Variants in ST8SIA5 observed in about 807,000 individuals in gnomAD.
ST8SIA5 encodes the protein ST8 alpha-N-acetyl-neuraminide alpha-2,8-sialyltransferase 5.
A neutral mutation model predicts 40.2 loss-of-function variants in ST8SIA5; 24 were observed. That is an observed-to-expected ratio of 0.60 (90% CI 0.43 to 0.84). ST8SIA5 has a LOEUF of 0.84. Ranked by LOEUF, ST8SIA5 falls within the 40% of genes least tolerant of loss-of-function variation. ST8SIA5 has a pLI of 0.00. For synonymous variants in ST8SIA5, 198 were observed against 201.8 expected (o/e 0.98, Z 0.16); for missense variants, 465 against 498.5 (o/e 0.93, Z 0.64).
rs537091508 is a variant in ST8SIA5 at position 46,727,076 on chromosome 18, T to C, written c.132-22412A>G. 2.6e-5 allele frequency among the ~76,000 whole-genome samples: 4 copies of C among 152,312 alleles called. No individual in the cohort carries two copies. In the South Asian group the frequency reaches 8.3e-4, roughly 32 times the overall value. ...GTTAAGCTAGAATTGAACACAGCCC[T>C]GAACCTAAGGAAACAGAACATATAA... On this transcript the variant is annotated intron_variant, in intron 1 of 6. Coordinates refer to ENST00000315087, the MANE Select transcript of ST8SIA5 (RefSeq NM_013305.6).
At chr18:46,729,051 A>G (rs1408231159) in intron 1 of ST8SIA5, among the ~76,000 whole-genome samples, 2 of 152,090 alleles carry the variant, frequency 1.3e-5, no homozygotes, top group Admixed American at 6.5e-5. Context: ...TGCTCCCACA[A>G]TCATCCTGCG....
Position 46,668,241 on chromosome 18 carries a change from G to C in ST8SIA5, c.*11801C>G, listed in dbSNP as rs1430618994. 6.6e-6 allele frequency: 1 copy of C among 152,262 alleles called. No individual in the cohort carries two copies. Among genetic ancestry groups the C allele is most frequent in the Non-Finnish European group, 1.5e-5 (1 of 68,066 alleles). 9.4% of individuals were successfully genotyped at this position (152,262 alleles called of 1,614,324 possible). A position where few individuals can be genotyped will look rare whatever the true frequency, so the allele number is the denominator to read the frequency against. On this transcript the variant is annotated 3_prime_UTR_variant, in exon 7 of 7. Coordinates refer to ENST00000315087, the MANE Select transcript of ST8SIA5 (RefSeq NM_013305.6). The stretch of plus-strand genomic sequence containing the variant: ...ACGGAGCGCAGTGCAGCGTGACTTG[G>C]CTCTTTGAGAGGAAAGCAAGGGAGG...
At chr18:46,698,309 A>T (rs998318542) in intron 2 of ST8SIA5, among the ~76,000 whole-genome samples, 21 of 152,118 alleles carry the variant, frequency 1.4e-4, no homozygotes, top group South Asian at 1.0e-3. Context: ...CCACACCAAC[A>T]ATCAAAACAA....
At chr18:46,709,235 G>T (rs780660990) in intron 1 of ST8SIA5, among the ~76,000 whole-genome samples, 2 of 152,214 alleles carry the variant, frequency 1.3e-5, no homozygotes, top group Admixed American at 1.3e-4. Flanking sequence ...TGCCCTCAAT[G>T]ATGGGATTAG....
At chr18:46,686,076 G>A (rs1305715660) in intron 5 of ST8SIA5, 98 bp downstream of exon 5, 1 of 1,133,880 alleles carries the variant, frequency 8.8e-7, no homozygotes, top group Non-Finnish European at 1.3e-6. Flanking sequence ...GGGAAGTGGG[G>A]ATTACTTGCT....
intron 1 of ST8SIA5, among the ~76,000 whole-genome samples, chr18:46,731,038 G>A (rs941300218): frequency 6.6e-6 from 1 of 152,240 alleles, no homozygotes; most frequent in African/African-American, 2.4e-5. Context: ...ACCAGGTGAA[G>A]TGAAGATGAA....
intron 1 of ST8SIA5, among the ~76,000 whole-genome samples, chr18:46,722,351 G>A (rs1385897142): frequency 6.6e-6 from 1 of 152,234 alleles, no homozygotes; most frequent in South Asian, 2.1e-4. Flanking sequence ...TTGCTTTCTG[G>A]GGAAACCGAC....
intron 4 of ST8SIA5, among the ~76,000 whole-genome samples, chr18:46,686,969 C>T (rs1160229097): frequency 6.6e-6 from 1 of 152,148 alleles, no homozygotes; most frequent in Non-Finnish European, 1.5e-5. Context: ...ACCACAGAAT[C>T]AGAGTCTCAC....
At chr18:46,729,231 G>A (rs767965716) in intron 1 of ST8SIA5, among the ~76,000 whole-genome samples, 24 of 152,072 alleles carry the variant, frequency 1.6e-4, no homozygotes, top group Non-Finnish European at 2.9e-4. Flanking sequence ...CTCACTCAGC[G>A]GTCACCTCTG....
Position 46,719,682 on chromosome 18 carries a change from T to TTTTC in ST8SIA5, c.132-15022_132-15019dup, listed in dbSNP as rs56825204. ...TTTCTATCTTTCTCTTTCTTTTCTT[T>TTTTC]TTTCTTTCTTTCTTTCTTTCTTTCT... is the stretch of plus-strand genomic sequence containing the variant. On this transcript the variant is annotated intron_variant, in intron 1 of 6. Transcript: ENST00000315087. Among the ~76,000 whole-genome samples the TTTTC allele has an allele frequency of 1.7e-3, 182 of 107,158 alleles. 2 individuals carry two copies. Among genetic ancestry groups the TTTTC allele is most frequent in the African/African-American group, 5.2e-3 (152 of 29,286 alleles). 70.3% of individuals were successfully genotyped at this position (107,158 alleles called of 152,430 possible). A position where few individuals can be genotyped will look rare whatever the true frequency, so the allele number is the denominator to read the frequency against.
chr18:46,756,265 G>T (rs1051007710), intron 1 of ST8SIA5, 113 bp downstream of exon 1: 6 of 1,443,914 alleles, frequency 4.2e-6, no homozygotes, highest in Non-Finnish European at 5.6e-6. Flanking sequence ...GCTAGGAGCG[G>T]ACCCCACGGC....
Position 46,743,512 on chromosome 18 carries a change from AG to A in ST8SIA5, c.131+12865del, listed in dbSNP as rs546819477. On this transcript the variant is annotated intron_variant, in intron 1 of 6. Transcript: ENST00000315087. ...AAATAAAGCAAGAAGACAAGTTTAG[AG>A]AAAAAAGAGTAAAAAGAAGTGAACA... is the stretch of plus-strand genomic sequence containing the variant. 1.6e-4 allele frequency among the ~76,000 whole-genome samples: 25 copies of A among 152,358 alleles called. No individual in the cohort carries two copies. The East Asian group carries it at 4.4e-3, about 27-fold the overall frequency.
chr18:46,719,176 C>T (rs1470941793), intron 1 of ST8SIA5, among the ~76,000 whole-genome samples: 2 of 152,172 alleles, frequency 1.3e-5, no homozygotes, highest in Admixed American at 1.3e-4. Context: ...AATGGGAGCG[C>T]TCCAGAAGGA....
intron 3 of ST8SIA5, 134 bp from the exon 4 acceptor site, chr18:46,689,053 C>T (rs2039476930): frequency 1.8e-6 from 2 of 1,130,362 alleles, no homozygotes; most frequent in Non-Finnish European, 1.2e-6. Flanking sequence ...TTGCCCCCAC[C>T]CTGCATGGAG....
intron 1 of ST8SIA5, among the ~76,000 whole-genome samples, chr18:46,736,188 G>A (rs566401107): frequency 4.6e-5 from 7 of 152,198 alleles, no homozygotes; most frequent in Admixed American, 1.3e-4. Flanking sequence ...GAAATCCAAC[G>A]TGTATTGTAT....
intron 1 of ST8SIA5, among the ~76,000 whole-genome samples, chr18:46,707,671 C>G (rs910585396): frequency 6.6e-6 from 1 of 152,184 alleles, no homozygotes; most frequent in East Asian, 1.9e-4. Flanking sequence ...GTCTCCTCTA[C>G]AATTCATATG....
chr18:46,673,698 C>G lies in ST8SIA5; in HGVS notation c.*6344G>C, dbSNP rs2039322632. The G allele has an allele frequency of 6.6e-6, 1 of 152,062 alleles. No homozygotes were observed. The highest frequency in any genetic ancestry group is 6.5e-5 in the Admixed American group (1 of 15,282). 9.4% of individuals were successfully genotyped at this position (152,062 alleles called of 1,614,324 possible). On this transcript the variant is annotated 3_prime_UTR_variant, in exon 7 of 7. Transcript: ENST00000315087. The stretch of plus-strand genomic sequence containing the variant: ...TATACTGTAGATCTATACTGTAGGT[C>G]TATCCAGTCTACCCTTTGAAGATCA...
intron 1 of ST8SIA5, among the ~76,000 whole-genome samples, chr18:46,718,244 T>C (rs896207185): frequency 4.7e-5 from 7 of 149,918 alleles, no homozygotes; most frequent in African/African-American, 1.7e-4. Context: ...GGAGGAGAAT[T>C]GCTTGAACCC....
intron 1 of ST8SIA5, among the ~76,000 whole-genome samples, chr18:46,730,703 C>T (rs1423736124): frequency 2.6e-5 from 4 of 152,048 alleles, no homozygotes; most frequent in African/African-American, 4.8e-5. Flanking sequence ...TAGGAGGCTG[C>T]GTCAGGAAAA....
Sources: allele counts gnomAD v4.1 joint callset (sites outside exome capture counted in the v4.1 genomes callset), GRCh38; gene constraint gnomAD v4.1.1; transcripts MANE v1.5; gene names NCBI Gene and HGNC (gene_info 2026-07-23, HGNC 2026-07-21).